The following LCLAT1 variants were observed in gnomAD, a reference collection of about 807,000 sequenced individuals.
LCLAT1 encodes 1-AGP acyltransferase 8.
A neutral mutation model predicts 30.7 loss-of-function variants in LCLAT1; 11 were observed. The observed-to-expected ratio is 0.36, with a 90% confidence interval of 0.23 to 0.59. The LOEUF is 0.59. Among genes scored for constraint, LCLAT1 ranks in the 20% least tolerant of loss-of-function variants. The pLI, the probability that LCLAT1 is intolerant of heterozygous loss-of-function variation, is 0.77. For synonymous variants in LCLAT1, 155 were observed against 151.3 expected, an observed-to-expected ratio of 1.02 and a Z score of -0.18; for missense variants, 402 against 458.6, an observed-to-expected ratio of 0.88 and a Z score of 1.13.
intron 3 of LCLAT1, among the ~76,000 whole-genome samples, chr2:30,549,915 A>C (rs1211570486): frequency 6.6e-6 from 1 of 152,224 alleles, no homozygotes; most frequent in Admixed American, 6.5e-5. Context: ...TTGTGTAATG[A>C]ATACCAGGCA....
chr2:30,597,399 G>T (rs1666969846), intron 5 of LCLAT1, among the ~76,000 whole-genome samples: 1 of 152,036 alleles, frequency 6.6e-6, no homozygotes, highest in Non-Finnish European at 1.5e-5. Flanking sequence ...TATTCTCTTT[G>T]TATCAGTTGT....
chr2:30,594,476 CCTT>C (rs1666840992), intron 5 of LCLAT1, among the ~76,000 whole-genome samples: 1 of 152,024 alleles, frequency 6.6e-6, no homozygotes, highest in South Asian at 2.1e-4. Context: ...TTTATGAATT[CCTT>C]CTTTTTTGGT....
chr2:30,543,048 T>C (rs890193013), intron 3 of LCLAT1, among the ~76,000 whole-genome samples: 3 of 151,820 alleles, frequency 2.0e-5, no homozygotes, highest in African/African-American at 4.8e-5. Context: ...GTGTCCCTGA[T>C]GTTAGGTAGA....
At chr2:30,500,684 C>T (rs1023992270) in intron 1 of LCLAT1, among the ~76,000 whole-genome samples, 3 of 152,014 alleles carry the variant, frequency 2.0e-5, no homozygotes, top group East Asian at 1.9e-4. Flanking sequence ...TGTGAAGAAC[C>T]GATTGTAAGA....
chr2:30,549,997 G>A (rs1390464961), intron 3 of LCLAT1, among the ~76,000 whole-genome samples: 2 of 152,120 alleles, frequency 1.3e-5, no homozygotes, highest in African/African-American at 4.8e-5. Flanking sequence ...TATATCTTTA[G>A]AAATGCTGTT....
At chr2:30,506,932 A>G (rs1246217941) in intron 1 of LCLAT1, among the ~76,000 whole-genome samples, 2 of 152,208 alleles carry the variant, frequency 1.3e-5, no homozygotes, top group East Asian at 3.8e-4. Context: ...TGTGAAGCTT[A>G]CAAGAAGAGT....
chr2:30,583,921 G>C (rs945932309), intron 5 of LCLAT1, among the ~76,000 whole-genome samples: 2 of 151,690 alleles, frequency 1.3e-5, no homozygotes, highest in Non-Finnish European at 2.9e-5. Flanking sequence ...TTCCTTTTAA[G>C]TTCCAGGATA....
chr2:30,455,758 AAGTT>A (rs891675368), intron 1 of LCLAT1, among the ~76,000 whole-genome samples: 5 of 151,870 alleles, frequency 3.3e-5, no homozygotes, highest in Admixed American at 2.6e-4. Flanking sequence ...AAAAATTAAA[AAGTT>A]AGCCAGATGT....
chr2:30,578,836 A>C (rs996475657), intron 5 of LCLAT1, among the ~76,000 whole-genome samples: 4 of 152,166 alleles, frequency 2.6e-5, no homozygotes, highest in Non-Finnish European at 5.9e-5. Context: ...CTAGCTTATA[A>C]GATTTACTTG....
intron 1 of LCLAT1, among the ~76,000 whole-genome samples, chr2:30,494,968 T>TTA (rs1684033016): frequency 6.6e-6 from 1 of 150,918 alleles, no homozygotes; most frequent in Non-Finnish European, 1.5e-5. Context: ...TTTTTTTTTT[T>TTA]AATTTTTGAA....
chr2:30,543,207 G>T (rs1664238262), intron 3 of LCLAT1, among the ~76,000 whole-genome samples: 1 of 151,864 alleles, frequency 6.6e-6, no homozygotes, highest in Admixed American at 6.6e-5. Flanking sequence ...TGCTTTTTCT[G>T]TACCTCTTAG....
At chr2:30,594,917 A>G (rs555548592) in intron 5 of LCLAT1, among the ~76,000 whole-genome samples, 120 of 152,234 alleles carry the variant, frequency 7.9e-4, no homozygotes, top group African/African-American at 2.7e-3. Context: ...ATATATACCT[A>G]TATTTTCCCA....
At chr2:30,630,417 T>G (rs535351037) in intron 5 of LCLAT1, among the ~76,000 whole-genome samples, 1 of 152,322 alleles carries the variant, frequency 6.6e-6, no homozygotes, top group South Asian at 2.1e-4. Flanking sequence ...AAAAAACAAA[T>G]GGAAGGATAT....
intron 1 of LCLAT1, among the ~76,000 whole-genome samples, chr2:30,508,294 G>A (rs761907435): frequency 2.0e-4 from 30 of 152,060 alleles, no homozygotes; most frequent in Middle Eastern, 3.4e-3. Context: ...CTGAAATCTC[G>A]TTTGTCAGTT....
chr2:30,563,019 T>G (rs1299277102), intron 4 of LCLAT1, among the ~76,000 whole-genome samples: 1 of 152,176 alleles, frequency 6.6e-6, no homozygotes, highest in Non-Finnish European at 1.5e-5. Flanking sequence ...CAGGAAGACA[T>G]GTTTATAACT....
At chr2:30,573,412 A>G (rs1478202422) in intron 5 of LCLAT1, among the ~76,000 whole-genome samples, 1 of 152,280 alleles carries the variant, frequency 6.6e-6, no homozygotes, top group East Asian at 1.9e-4. Flanking sequence ...GTGGCATCAC[A>G]CTGAGATAGG....
intron 1 of LCLAT1, among the ~76,000 whole-genome samples, chr2:30,476,833 C>G (rs1036925617): frequency 6.6e-6 from 1 of 152,102 alleles, no homozygotes; most frequent in African/African-American, 2.4e-5. Flanking sequence ...GCTGTCAGCT[C>G]TCTGAGGGTG....
intron 5 of LCLAT1, among the ~76,000 whole-genome samples, chr2:30,610,938 G>T (rs551888995): frequency 6.6e-6 from 1 of 150,946 alleles, no homozygotes; most frequent in Non-Finnish European, 1.5e-5. Flanking sequence ...CTTTTCTTCA[G>T]TTTTTTTAAT....
At chr2:30,538,486 C>T (rs1211817458) in intron 3 of LCLAT1, among the ~76,000 whole-genome samples, 3 of 151,630 alleles carry the variant, frequency 2.0e-5, no homozygotes, top group South Asian at 2.1e-4. Flanking sequence ...TACTAAAATA[C>T]AAAAATTAGG....
Sources: gnomAD v4.1 joint callset for allele counts (sites outside exome capture counted in the v4.1 genomes callset) on GRCh38, gnomAD v4.1.1 for gene constraint, MANE v1.5 for transcripts, NCBI Gene and HGNC (gene_info 2026-07-23, HGNC 2026-07-21) for gene names.